Variants in TMEM67 observed in about 807,000 individuals in gnomAD.
The protein encoded by TMEM67 is meckelin.
TMEM67 carries 124 observed loss-of-function variants against 136.6 expected under a neutral mutation model. The observed-to-expected ratio is 0.91, with a 90% confidence interval of 0.78 to 1.05. The LOEUF (loss-of-function observed/expected upper bound fraction) is 1.05. TMEM67 is among the 50% of genes least tolerant of loss of function. TMEM67 has a pLI of 0.00. For missense variants in TMEM67, 1,107 were observed against 1,178.4 expected (o/e 0.94, Z 0.89); for synonymous variants, 364 against 390.5 (o/e 0.93, Z 0.80).
intron 3 of TMEM67, among the ~76,000 whole-genome samples, chr8:93,761,339 T>C (rs1233213571): frequency 1.3e-5 from 2 of 152,200 alleles, no homozygotes; most frequent in Admixed American, 1.3e-4. Context: ...ACAATGTATT[T>C]ATAAGGATAC....
rs1010141231 is a variant in TMEM67, at chr8:93,798,727, A to G, written c.2101-891A>G. The stretch of plus-strand genomic sequence containing the variant: ...CTTCCTTTCCTTTTATAAAACTAGT[A>G]GAAGAATGTTTGTATCCCTAGGGCT... On this transcript the variant is annotated intron_variant, in intron 20 of 27. Transcript: ENST00000453321. Among the ~76,000 whole-genome samples the G allele has an allele frequency of 5.3e-5, 8 of 152,134 alleles. No homozygotes were observed. The East Asian group carries it at 1.5e-3, about 29-fold the overall frequency.
intron 7 of TMEM67, 99 bp downstream of exon 7, chr8:93,772,750 T>C: frequency 1.2e-6 from 1 of 829,622 alleles, no homozygotes; most frequent in South Asian, 1.6e-5. Context: ...TAGCTATAGC[T>C]TCTTGGTCAT....
chr8:93,774,175 C>T (rs541435232), intron 7 of TMEM67, among the ~76,000 whole-genome samples: 1 of 152,098 alleles, frequency 6.6e-6, no homozygotes, highest in South Asian at 2.1e-4. Flanking sequence ...CCACCACACT[C>T]AGCTAATTTT....
chr8:93,785,173 A>T, intron 11 of TMEM67, 49 bp from the exon 12 acceptor site: 1 of 1,056,720 alleles, frequency 9.5e-7, no homozygotes, highest in Non-Finnish European at 1.5e-6. Context: ...ACTTTTTAGT[A>T]CTTTAAGTTG....
chr8:93,824,499 C>T, the TMEM67 span, among the ~76,000 whole-genome samples: 1 of 152,286 alleles, frequency 6.6e-6, no homozygotes, highest in Non-Finnish European at 1.5e-5. Flanking sequence ...TCCTCTTATT[C>T]TGTCTGCTCT....
rs767443055 is a variant in TMEM67, at chr8:93,797,322, C to T, written c.1961-9C>T. 6.2e-7 allele frequency: 1 copy of T among 1,614,096 alleles called. No homozygotes were observed. The highest frequency in any genetic ancestry group is 1.1e-5 in the South Asian group (1 of 91,084). ...AAAACTCTTTTACTCATTTTATTTTCCTGACCAGGTGAGGGTGGTGTACGA... is the reference window on the plus strand; with the variant it reads ...AAAACTCTTTTACTCATTTTATTTTTCTGACCAGGTGAGGGTGGTGTACGA... On this transcript the variant is annotated splice_polypyrimidine_tract_variant and intron_variant, in intron 19 of 27. Coordinates refer to ENST00000453321, the MANE Select transcript of TMEM67 (RefSeq NM_153704.6).
At chr8:93,756,818 G>C (rs1812592517) in intron 2 of TMEM67, 1 of 152,202 alleles carries the variant, frequency 6.6e-6, no homozygotes, top group African/African-American at 2.4e-5. Flanking sequence ...GCTCATGCCT[G>C]TAATCCCAGC....
intron 7 of TMEM67, among the ~76,000 whole-genome samples, chr8:93,775,960 C>T (rs1329264867): frequency 6.6e-5 from 10 of 152,122 alleles, no homozygotes; most frequent in Non-Finnish European, 1.5e-4. Context: ...GCCATTTTCA[C>T]GATATTGATT....
chr8:93,812,793 A>G (rs776891030), intron 26 of TMEM67, among the ~76,000 whole-genome samples: 14 of 152,206 alleles, frequency 9.2e-5, no homozygotes, highest in South Asian at 2.1e-4. Context: ...CTGGAGCACA[A>G]TGGTGCAATC....
intron 7 of TMEM67, among the ~76,000 whole-genome samples, 190 bp downstream of exon 7, chr8:93,772,841 G>A (rs1284509200): frequency 6.6e-6 from 1 of 152,052 alleles, no homozygotes; most frequent in Non-Finnish European, 1.5e-5. Context: ...TACACAAATT[G>A]AATGTCTCCA....
chr8:93,815,610 C>G (rs1586102066), intron 27 of TMEM67, among the ~76,000 whole-genome samples, 163 bp downstream of exon 27: 1 of 152,144 alleles, frequency 6.6e-6, no homozygotes, highest in Admixed American at 6.5e-5. Context: ...AACATTTCAA[C>G]CAACTGTACT....
intron 10 of TMEM67, 21 bp from the exon 11 acceptor site, chr8:93,782,374 T>G: frequency 6.3e-7 from 1 of 1,592,238 alleles, no homozygotes; most frequent in Non-Finnish European, 8.6e-7. Flanking sequence ...GAGATTTATC[T>G]GTTGTATTAT....
chr8:93,804,622 C>G, intron 22 of TMEM67, 140 bp from the exon 23 acceptor site: 1 of 477,398 alleles, frequency 2.1e-6, no homozygotes, highest in Admixed American at 3.4e-5. Context: ...TCCTTCATTA[C>G]TTTATTATCC....
At chr8:93,831,659 T>G in the TMEM67 span, among the ~76,000 whole-genome samples, 9 of 152,068 alleles carry the variant, frequency 5.9e-5, no homozygotes, top group Non-Finnish European at 8.8e-5. Context: ...TGTGCATGAG[T>G]GCATGCATGT....
At chr8:93,803,251 A>T (rs990772985) in intron 21 of TMEM67, among the ~76,000 whole-genome samples, 1 of 152,184 alleles carries the variant, frequency 6.6e-6, no homozygotes, top group Admixed American at 6.6e-5. Context: ...TGAAATTTAG[A>T]TGAGCAAAAT....
In TMEM67 at chr8:93,766,265, C is replaced by A. The variant is rs570216535; in HGVS notation, c.651+619C>A. On this transcript the variant is annotated intron_variant, in intron 6 of 27. Transcript: ENST00000453321. ...CAGCGAGTAGCTGGGATTACAGGCA[C>A]CTGCCACTACGCCCGGCTAATTTTT... 2.6e-5 allele frequency among the ~76,000 whole-genome samples: 4 copies of A among 152,070 alleles called. No individual in the cohort carries two copies. In the East Asian group the frequency reaches 7.7e-4, roughly 29 times the overall value.
chr8:93,817,748 C>T lies in TMEM67; in HGVS notation c.*1296C>T, dbSNP rs940771454. ...ACATTATTGGGGCAGAGGTCCCAGCCATTGCCAAAGTTGAATCTTTTACAT... is the reference window on the plus strand; with the variant it reads ...ACATTATTGGGGCAGAGGTCCCAGCTATTGCCAAAGTTGAATCTTTTACAT... On this transcript the variant is annotated 3_prime_UTR_variant, in exon 28 of 28. Transcript: ENST00000453321. 1 of 152,132 alleles carries T rather than the reference C, an allele frequency of 6.6e-6. No homozygotes were observed. Among genetic ancestry groups the T allele is most frequent in the African/African-American group, 2.4e-5 (1 of 41,418 alleles). The allele number at this position is 152,132 out of a possible 1,614,324, so 9.4% of individuals were successfully genotyped here. A position where few individuals can be genotyped will look rare whatever the true frequency, so the allele number is the denominator to read the frequency against.
At chr8:93,774,919 C>A (rs1230974983) in intron 7 of TMEM67, among the ~76,000 whole-genome samples, 1 of 152,158 alleles carries the variant, frequency 6.6e-6, no homozygotes, top group Admixed American at 6.5e-5. Flanking sequence ...GTTCTAGATC[C>A]TTGAGGAATT....
At chr8:93,793,320 G>A (rs1563469112) in intron 16 of TMEM67, 24 bp downstream of exon 16, 7 of 1,576,660 alleles carry the variant, frequency 4.4e-6, no homozygotes, top group Non-Finnish European at 6.1e-6. Context: ...AGTTTTTTAA[G>A]AATATTTTTA....
Sources: allele counts gnomAD v4.1 joint callset (sites outside exome capture counted in the v4.1 genomes callset), GRCh38; gene constraint gnomAD v4.1.1; transcripts MANE v1.5; gene names NCBI Gene and HGNC (gene_info 2026-07-23, HGNC 2026-07-21).